The following TAFA2 variants were observed in gnomAD, a reference collection of about 807,000 sequenced individuals.
The protein encoded by TAFA2 is chemokine-like protein TAFA-2.
In TAFA2, 7 loss-of-function variants were observed where a neutral mutation model predicts 18.8. The observed-to-expected ratio is 0.37, with a 90% CI of 0.21 to 0.70. The LOEUF (loss-of-function observed/expected upper bound fraction) is 0.70, where lower values mean the gene tolerates loss of function less well. TAFA2 is among the 30% of genes least tolerant of loss of function. The pLI is 0.53. For missense variants in TAFA2, 122 were observed against 158.1 expected, an observed-to-expected ratio of 0.77 and a Z score of 1.23; for synonymous variants, 60 against 54.2, an observed-to-expected ratio of 1.11 and a Z score of -0.47.
At chr12:61,817,947 C>T (rs537177823) in intron 2 of TAFA2, among the ~76,000 whole-genome samples, 46 of 152,134 alleles carry the variant, frequency 3.0e-4, no homozygotes, top group Non-Finnish European at 6.2e-4. Flanking sequence ...GTTACCTTCA[C>T]TCCTTGCTTC....
At chr12:62,004,786 T>A (rs1880491753) in intron 1 of TAFA2, among the ~76,000 whole-genome samples, 1 of 152,052 alleles carries the variant, frequency 6.6e-6, no homozygotes, top group Admixed American at 6.5e-5. Context: ...AATAAGTGTC[T>A]ATCGACGGGT....
chr12:61,930,840 C>G (rs533749915), intron 1 of TAFA2, among the ~76,000 whole-genome samples: 1 of 152,162 alleles, frequency 6.6e-6, no homozygotes, highest in Admixed American at 6.5e-5. Flanking sequence ...TTGTCAGGTG[C>G]CATGAGGCAC....
chr12:61,838,410 A>G (rs1873026646), intron 2 of TAFA2, among the ~76,000 whole-genome samples: 1 of 152,058 alleles, frequency 6.6e-6, no homozygotes, highest in African/African-American at 2.4e-5. Flanking sequence ...GCTTACTCAC[A>G]TAAGCAGGCA....
chr12:61,985,956 C>G (rs759505658), intron 1 of TAFA2, among the ~76,000 whole-genome samples: 9 of 152,160 alleles, frequency 5.9e-5, no homozygotes, highest in Non-Finnish European at 1.0e-4. Flanking sequence ...CAGATTTTCA[C>G]CAGGCTCCAC....
chr12:61,884,972 A>C (rs1009652235), intron 1 of TAFA2, among the ~76,000 whole-genome samples: 1 of 152,066 alleles, frequency 6.6e-6, no homozygotes, highest in African/African-American at 2.4e-5. Flanking sequence ...CTGAAGTAAG[A>C]CAATACTTGC....
intron 1 of TAFA2, among the ~76,000 whole-genome samples, chr12:62,229,670 T>C (rs181534398): frequency 6.6e-6 from 1 of 151,964 alleles, no homozygotes; most frequent in East Asian, 1.9e-4. Context: ...GCCTGTATTT[T>C]CTTTTTTTTT....
chr12:62,221,225 GGAA>G (rs1388779411), intron 1 of TAFA2, among the ~76,000 whole-genome samples: 5 of 130,468 alleles, frequency 3.8e-5, no homozygotes, highest in Admixed American at 3.0e-4. Flanking sequence ...GGGGAAGGAA[GGAA>G]GGAAGGAAGG....
At chr12:61,906,505 C>G (rs1006862107) in intron 1 of TAFA2, among the ~76,000 whole-genome samples, 1 of 152,130 alleles carries the variant, frequency 6.6e-6, no homozygotes, top group Non-Finnish European at 1.5e-5. Flanking sequence ...ACTTCCTTTC[C>G]TTTATAAATT....
At chr12:61,823,971 G>A (rs758455876) in intron 2 of TAFA2, among the ~76,000 whole-genome samples, 1 of 152,070 alleles carries the variant, frequency 6.6e-6, no homozygotes, top group Admixed American at 6.5e-5. Flanking sequence ...GTGTGAGACC[G>A]GTGATTTGAT....
chr12:61,970,145 ATATTCTTGT>A (rs1879199216), intron 1 of TAFA2, among the ~76,000 whole-genome samples: 1 of 151,568 alleles, frequency 6.6e-6, no homozygotes, highest in African/African-American at 2.4e-5. Flanking sequence ...ATTGAATAAA[ATATTCTTGT>A]TATTTATTCC....
intron 1 of TAFA2, among the ~76,000 whole-genome samples, chr12:62,248,844 C>CA (rs2062898658): frequency 6.6e-6 from 1 of 152,086 alleles, no homozygotes; most frequent in South Asian, 2.1e-4. Flanking sequence ...GTTGTGCACC[C>CA]AGTCTCCCAA....
intron 2 of TAFA2, among the ~76,000 whole-genome samples, chr12:61,800,491 G>A (rs1871357074): frequency 6.6e-6 from 1 of 152,082 alleles, no homozygotes; most frequent in African/African-American, 2.4e-5. Flanking sequence ...AATACTGAAG[G>A]AGAAACACCT....
At chr12:61,924,864 A>G (rs764053430) in intron 1 of TAFA2, among the ~76,000 whole-genome samples, 4 of 152,234 alleles carry the variant, frequency 2.6e-5, no homozygotes, top group Admixed American at 6.5e-5. Flanking sequence ...AAAGACACAC[A>G]TAGGCTCAAA....
chr12:61,818,079 G>A (rs1872160547), intron 2 of TAFA2, among the ~76,000 whole-genome samples: 1 of 152,106 alleles, frequency 6.6e-6, no homozygotes. Flanking sequence ...TCCTCACCGG[G>A]AGAACAGAAT....
intron 1 of TAFA2, among the ~76,000 whole-genome samples, chr12:62,178,294 A>T (rs141126260): frequency 1.2e-3 from 180 of 152,302 alleles, no homozygotes; most frequent in African/African-American, 4.2e-3. Context: ...AGTCTCTAAA[A>T]AATAAAATAA....
intron 1 of TAFA2, among the ~76,000 whole-genome samples, chr12:61,983,412 G>GTT (rs1332126571): frequency 6.6e-6 from 1 of 151,852 alleles, no homozygotes; most frequent in Non-Finnish European, 1.5e-5. Flanking sequence ...GTTTTGTTTT[G>GTT]TTTTGTTTTG....
chr12:61,932,098 A>C (rs1294334311), intron 1 of TAFA2, among the ~76,000 whole-genome samples: 1 of 152,190 alleles, frequency 6.6e-6, no homozygotes, highest in Non-Finnish European at 1.5e-5. Flanking sequence ...CAAATTACTA[A>C]AATAATGTAT....
intron 1 of TAFA2, among the ~76,000 whole-genome samples, chr12:62,178,166 G>A (rs766112228): frequency 1.3e-5 from 2 of 152,060 alleles, no homozygotes; most frequent in Non-Finnish European, 2.9e-5. Context: ...CAGGCATGGT[G>A]GTGCAAGTCT....
intron 2 of TAFA2, among the ~76,000 whole-genome samples, chr12:61,780,264 G>A (rs1456021886): frequency 2.0e-5 from 3 of 151,672 alleles, no homozygotes; most frequent in African/African-American, 7.3e-5. Flanking sequence ...AATAGTGCAA[G>A]GACACCAAGT....
Sources: allele counts gnomAD v4.1 joint callset (sites outside exome capture counted in the v4.1 genomes callset), GRCh38; gene constraint gnomAD v4.1.1; transcripts MANE v1.5; gene names NCBI Gene and HGNC (gene_info 2026-07-23, HGNC 2026-07-21).